MUCL1: variants seen among roughly 807,000 people sequenced by gnomAD.
The protein encoded by MUCL1 is mucin-like protein 1.
In MUCL1, 11 loss-of-function variants were observed where a neutral mutation model predicts 9.2. The observed-to-expected ratio is 1.19, with a 90% CI of 0.75 to 1.97. The LOEUF (loss-of-function observed/expected upper bound fraction) is 1.97, where lower values mean the gene tolerates loss of function less well. Among genes scored for constraint, MUCL1 ranks in the 30% most tolerant of loss-of-function variants. MUCL1 has a pLI of 0.00. For missense variants in MUCL1, 144 were observed against 110.9 expected (o/e 1.30, Z -1.34); for synonymous variants, 48 against 40.5 (o/e 1.19, Z -0.71).
At chr12:54,848,900 C>T (rs188414452) in intron 1 of MUCL1, among the ~76,000 whole-genome samples, 76 of 152,140 alleles carry the variant, frequency 5.0e-4, no homozygotes, top group Non-Finnish European at 5.6e-4. Context: ...AGTCAAAAAC[C>T]TCTGAACATT....
chr12:54,843,188 T>C (rs567216605), intron 1 of MUCL1, among the ~76,000 whole-genome samples: 14 of 152,360 alleles, frequency 9.2e-5, no homozygotes, highest in African/African-American at 3.4e-4. Flanking sequence ...CATTAAATGA[T>C]GCAGGACTGT....
intron 1 of MUCL1, among the ~76,000 whole-genome samples, chr12:54,844,783 A>G (rs1959234393): frequency 6.6e-6 from 1 of 152,240 alleles, no homozygotes; most frequent in African/African-American, 2.4e-5. Context: ...ATTTGTCCAA[A>G]GCCAAAGCTA....
At chr12:54,848,724 C>A (rs999725418) in intron 1 of MUCL1, among the ~76,000 whole-genome samples, 14 of 152,246 alleles carry the variant, frequency 9.2e-5, no homozygotes, top group African/African-American at 3.4e-4. Flanking sequence ...ACAAATATTG[C>A]TTCTGGCATA....
intron 3 of MUCL1, 89 bp from the exon 4 acceptor site, chr12:54,858,104 C>T: frequency 6.8e-7 from 1 of 1,473,536 alleles, no homozygotes; most frequent in South Asian, 1.1e-5. Context: ...TGACATTTGA[C>T]ACTTGTTAGT....
chr12:54,858,087 G>GT, intron 3 of MUCL1, 106 bp from the exon 4 acceptor site: 1 of 1,338,030 alleles, frequency 7.5e-7, no homozygotes, highest in South Asian at 1.2e-5. Flanking sequence ...AATCCCCTGA[G>GT]TTTAGTTGAC....
At chr12:54,831,095 T>C (rs963470134) in intron 1 of MUCL1, among the ~76,000 whole-genome samples, 2 of 152,226 alleles carry the variant, frequency 1.3e-5, no homozygotes, top group African/African-American at 4.8e-5. Flanking sequence ...GAGAGTTTTG[T>C]ATTACTAACT....
intron 1 of MUCL1, among the ~76,000 whole-genome samples, chr12:54,839,928 C>G (rs1387420376): frequency 1.3e-5 from 2 of 152,174 alleles, no homozygotes; most frequent in African/African-American, 2.4e-5. Flanking sequence ...TGCACCTGTG[C>G]CTTTGCTTAG....
At chr12:54,840,423 C>A (rs926157895) in intron 1 of MUCL1, among the ~76,000 whole-genome samples, 6 of 152,212 alleles carry the variant, frequency 3.9e-5, no homozygotes, top group Middle Eastern at 6.3e-3. Context: ...ATTCTGCCTG[C>A]AGATGCTGTA....
Position 54,856,870 on chromosome 12 carries a change from C to T in MUCL1, c.201C>T (p.Thr67=). Residue 67 remains threonine (T), a synonymous_variant, in exon 3 of 4, where the codon ACC becomes ACT. Transcript: ENST00000308796. ...CCACTGCAACCACCGCTGCTTCTAC[C>T]ACTGCTCGTAAAGACATTCCAGGTA... ...APTTATTAAS[T]TARKDIPVLP... is the part of the protein sequence containing the mutation. The T allele has an allele frequency of 1.2e-6, 2 of 1,613,842 alleles. No homozygotes were observed. Among genetic ancestry groups the T allele is most frequent in the Non-Finnish European group, 1.7e-6 (2 of 1,179,854 alleles).
Position 54,839,448 on chromosome 12 carries a change from G to A in MUCL1, c.43+1G>A. 1 of 702,024 alleles carries A rather than the reference G, an allele frequency of 1.4e-6. No individual in the cohort carries two copies. The highest frequency in any genetic ancestry group is 2.6e-6 in the Non-Finnish European group (1 of 384,814). 43.5% of individuals were successfully genotyped at this position (702,024 alleles called of 1,614,324 possible). On this transcript the variant is annotated splice_donor_variant, in intron 1 of 3. Coordinates refer to the MUCL1 transcript ENST00000546809. LOFTEE classifies it high-confidence loss of function. ...TATCAACTGGCAGTGACTAAAGCAG[G>A]TGGGTAAATGCGACATCCAATTGTG...
rs1392166687 is a variant in MUCL1 at position 54,844,034 on chromosome 12, T to G, written c.43+4587T>G. Among the ~76,000 whole-genome samples the G allele has an allele frequency of 2.0e-5, 3 of 152,310 alleles. No individual in the cohort carries two copies. In the South Asian group the frequency reaches 6.2e-4, roughly 32 times the overall value. The stretch of plus-strand genomic sequence containing the variant: ...ATTTGGTAATTTATTGTTTATAAAT[T>G]TTGCTTTTATGGTCATGGTAATGAA... On this transcript the variant is annotated intron_variant, in intron 1 of 3. Coordinates refer to the MUCL1 transcript ENST00000546809.
chr12:54,852,262 C>T (rs555399067), upstream of MUCL1, among the ~76,000 whole-genome samples: 122 of 152,306 alleles, frequency 8.0e-4, no homozygotes, highest in African/African-American at 2.8e-3. Flanking sequence ...AACTATACTA[C>T]AAGGCTACAA....
intron 1 of MUCL1, among the ~76,000 whole-genome samples, chr12:54,847,489 C>A (rs1959274394): frequency 6.6e-6 from 1 of 152,112 alleles, no homozygotes; most frequent in South Asian, 2.1e-4. Flanking sequence ...GCGGTGCATG[C>A]CTGTAATCCC....
Position 54,858,224 on chromosome 12 carries a change from T to C in MUCL1, c.255T>C (p.Asn85=), listed in dbSNP as rs1868315426. Residue 85 remains asparagine (N), a synonymous_variant, in exon 4 of 4, where the codon AAT becomes AAC. Coordinates refer to ENST00000308796, the MANE Select transcript of MUCL1 (RefSeq NM_058173.3). ...VLPKWVGDLP[N]GRVCP ...CCAAATGGGTTGGGGATCTCCCGAA[T>C]GGTAGAGTGTGTCCCTGAGATGGAA... The C allele has an allele frequency of 6.2e-7, 1 of 1,613,584 alleles. No individual in the cohort carries two copies. Among genetic ancestry groups the C allele is most frequent in the Admixed American group, 1.7e-5 (1 of 59,942 alleles).
upstream of MUCL1, among the ~76,000 whole-genome samples, chr12:54,837,273 G>T (rs903018759): frequency 1.3e-5 from 2 of 152,064 alleles, no homozygotes; most frequent in African/African-American, 4.8e-5. Context: ...AGAGTTAGGT[G>T]CAATATATTG....
At chr12:54,851,282 T>C (rs988796634), upstream of MUCL1, among the ~76,000 whole-genome samples, 1 of 152,338 alleles carries the variant, frequency 6.6e-6, no homozygotes, top group South Asian at 2.1e-4. Context: ...CTAGGATTTT[T>C]ATGGTTTTAG....
At position 54,856,911 on chromosome 12, in the gene MUCL1, C is replaced by A. The variant is rs770324873; in HGVS notation, c.223+19C>A. 1 of 1,613,512 alleles carries A rather than the reference C, an allele frequency of 6.2e-7. No individual in the cohort carries two copies. Among genetic ancestry groups the A allele is most frequent in the Non-Finnish European group, 8.5e-7 (1 of 1,179,702 alleles). On this transcript the variant is annotated intron_variant, in intron 3 of 3. Transcript: ENST00000308796. ...ATTCCAGGTAGCAAGACTCCTCCAT[C>A]TGTGTGCTTCCTTTATGTGGCTCCT...
At position 54,858,326 on chromosome 12, in the gene MUCL1, G is replaced by A. The variant is rs1301370266; in HGVS notation, c.*84G>A. 6.2e-6 allele frequency: 9 copies of A among 1,460,504 alleles called. No homozygotes were observed. The highest frequency in any genetic ancestry group is 1.1e-5 in the South Asian group (1 of 87,512). The allele number at this position is 1,460,504 out of a possible 1,614,324, so 90.5% of individuals were successfully genotyped here. A position where few individuals can be genotyped will look rare whatever the true frequency, so the allele number is the denominator to read the frequency against. On this transcript the variant is annotated 3_prime_UTR_variant, in exon 4 of 4. Transcript: ENST00000308796. ...TCATCCAACTACTTACCTTGCCTAC[G>A]ATATCCCCTTTATCTCTAATCAGTT...
chr12:54,849,816 A>C (rs1489284866), upstream of MUCL1, among the ~76,000 whole-genome samples: 1 of 152,192 alleles, frequency 6.6e-6, no homozygotes, highest in East Asian at 1.9e-4. Context: ...TCTTAAAGTG[A>C]TAATATTAAA....
Sources: gnomAD v4.1 joint callset for allele counts (sites outside exome capture counted in the v4.1 genomes callset) on GRCh38, gnomAD v4.1.1 for gene constraint, MANE v1.5 for transcripts, NCBI Gene and HGNC (gene_info 2026-07-23, HGNC 2026-07-21) for gene names.